PARD3B: variants seen among roughly 807,000 people sequenced by gnomAD.
The protein encoded by PARD3B is par-3 family cell polarity regulator beta, also known as partitioning defective 3 homolog B.
A neutral mutation model predicts 130.2 loss-of-function variants in PARD3B; 103 were observed. The observed-to-expected ratio is 0.79, with a 90% confidence interval of 0.67 to 0.93. The LOEUF is 0.93. PARD3B is among the 40% of genes least tolerant of loss of function. The pLI, the probability that PARD3B is intolerant of heterozygous loss-of-function variation, is 0.00. For missense variants in PARD3B, 1,609 were observed against 1,499.2 expected, an observed-to-expected ratio of 1.07 and a Z score of -1.21; for synonymous variants, 583 against 553.2, an observed-to-expected ratio of 1.05 and a Z score of -0.76.
At chr2:205,505,160 T>C (rs1255135919) in intron 21 of PARD3B, among the ~76,000 whole-genome samples, 2 of 151,432 alleles carry the variant, frequency 1.3e-5, no homozygotes, top group Admixed American at 1.3e-4. Context: ...AAACACCGCA[T>C]GTTCTCACCC....
intron 1 of PARD3B, among the ~76,000 whole-genome samples, chr2:204,562,089 C>A (rs928802938): frequency 2.0e-5 from 3 of 152,052 alleles, no homozygotes; most frequent in African/African-American, 7.2e-5. Context: ...CCGTGCCCCA[C>A]CCCCAGCCTG....
chr2:205,332,332 A>G (rs1477358742), intron 18 of PARD3B, among the ~76,000 whole-genome samples: 2 of 152,138 alleles, frequency 1.3e-5, no homozygotes, highest in African/African-American at 4.8e-5. Context: ...CCTGAAATGG[A>G]CTTGAAGTTT....
chr2:204,628,573 A>G (rs2034566364), intron 1 of PARD3B, among the ~76,000 whole-genome samples: 2 of 152,174 alleles, frequency 1.3e-5, no homozygotes, highest in Non-Finnish European at 2.9e-5. Flanking sequence ...CACATAAGCA[A>G]TTATATTCAA....
chr2:204,846,420 G>A (rs2125596482), intron 2 of PARD3B, among the ~76,000 whole-genome samples: 1 of 152,032 alleles, frequency 6.6e-6, no homozygotes, highest in Middle Eastern at 3.4e-3. Context: ...GAAATACATA[G>A]GCGTGTACAC....
Position 205,558,625 on chromosome 2 carries a change from C to G in PARD3B, c.3260+5222C>G, listed in dbSNP as rs1036356665. On this transcript the variant is annotated intron_variant, in intron 22 of 22. Transcript: ENST00000406610. This position sits in a 1 kb window ranked among gnomAD's most constrained non-coding sequence, Gnocchi z 4.8. ...CAGGCTTCTGCCCACACCACTGATA[C>G]TTCCACCAGACTCTGCTTCCCGCCT... Among the ~76,000 whole-genome samples, 4 of 152,198 alleles carry G rather than the reference C, an allele frequency of 2.6e-5. No homozygotes were observed. The highest frequency in any genetic ancestry group is 5.9e-5 in the Non-Finnish European group (4 of 68,038).
intron 10 of PARD3B, among the ~76,000 whole-genome samples, chr2:205,132,065 A>G (rs982681415): frequency 2.0e-5 from 3 of 152,206 alleles, no homozygotes. Context: ...GTTAGGATTA[A>G]ATGAGATGCA....
intron 21 of PARD3B, among the ~76,000 whole-genome samples, chr2:205,522,084 T>TTATC (rs1237076602): frequency 6.8e-6 from 1 of 146,142 alleles, no homozygotes; most frequent in Non-Finnish European, 1.5e-5. Flanking sequence ...TTAGTGTATT[T>TTATC]TATCTTTACC....
intron 1 of PARD3B, among the ~76,000 whole-genome samples, chr2:204,599,492 A>G (rs1050938090): frequency 2.0e-5 from 3 of 151,734 alleles, no homozygotes; most frequent in African/African-American, 4.8e-5. Context: ...CTCCAATTCA[A>G]TCTCTTTTGC....
intron 4 of PARD3B, among the ~76,000 whole-genome samples, chr2:205,057,246 ATG>A (rs1431450477): frequency 6.6e-6 from 1 of 150,440 alleles, no homozygotes; most frequent in East Asian, 1.9e-4. Flanking sequence ...ATACATATAC[ATG>A]TGTTATACGT....
At chr2:205,063,012 A>G (rs1700148177) in intron 4 of PARD3B, among the ~76,000 whole-genome samples, 1 of 151,946 alleles carries the variant, frequency 6.6e-6, no homozygotes, top group African/African-American at 2.4e-5. Context: ...AAATTATTGT[A>G]TTATTAATTA....
Position 204,887,080 on chromosome 2 carries a change from A to C in PARD3B, c.223-78072A>C, listed in dbSNP as rs557122023. Among the ~76,000 whole-genome samples the C allele has an allele frequency of 2.6e-5, 4 of 152,212 alleles. No homozygotes were observed. In the South Asian group the frequency reaches 8.3e-4, roughly 32 times the overall value. On this transcript the variant is annotated intron_variant, in intron 2 of 22. Transcript: ENST00000406610. The surrounding 1 kb of genome is among the most constrained non-coding windows in gnomAD (Gnocchi z 4.2). ...TTTTTTTTAATCAGCTTTTAGTTCCATCTGTTCAAGAATAGGTAAACTGAA... is the reference window on the plus strand; with the variant it reads ...TTTTTTTTAATCAGCTTTTAGTTCCCTCTGTTCAAGAATAGGTAAACTGAA...
chr2:205,609,670 T>C (rs1364104014), intron 22 of PARD3B, among the ~76,000 whole-genome samples: 1 of 152,230 alleles, frequency 6.6e-6, no homozygotes, highest in Non-Finnish European at 1.5e-5. Flanking sequence ...CCAATGCATA[T>C]GCCTAAGCCG....
intron 2 of PARD3B, among the ~76,000 whole-genome samples, chr2:204,854,138 G>C (rs1393024210): frequency 1.3e-5 from 2 of 152,274 alleles, no homozygotes; most frequent in East Asian, 3.9e-4. Context: ...AAGCAGATGA[G>C]GGAACAAGTG....
chr2:205,482,305 AG>A (rs1465329365), intron 20 of PARD3B, among the ~76,000 whole-genome samples: 1 of 152,178 alleles, frequency 6.6e-6, no homozygotes, highest in African/African-American at 2.4e-5. Context: ...ACTTGCCACA[AG>A]GGTTGCTCTG....
chr2:204,616,279 A>C (rs139606644), intron 1 of PARD3B, among the ~76,000 whole-genome samples: 1 of 152,316 alleles, frequency 6.6e-6, no homozygotes, highest in East Asian at 1.9e-4. Context: ...TCCAATAAGA[A>C]AATGAAAAAC....
intron 2 of PARD3B, among the ~76,000 whole-genome samples, chr2:204,908,778 A>C (rs971510737): frequency 2.0e-5 from 3 of 152,234 alleles, no homozygotes; most frequent in African/African-American, 7.2e-5. Context: ...CTAAAGACCC[A>C]AAAAGATTAA....
Position 205,568,041 on chromosome 2 carries a change from A to G in PARD3B, c.3260+14638A>G, listed in dbSNP as rs1005152532. Among the ~76,000 whole-genome samples, 1 of 152,184 alleles carries G rather than the reference A, an allele frequency of 6.6e-6. No individual in the cohort carries two copies. Among genetic ancestry groups the G allele is most frequent in the Non-Finnish European group, 1.5e-5 (1 of 68,024 alleles). On this transcript the variant is annotated intron_variant, in intron 22 of 22. Coordinates refer to ENST00000406610, the MANE Select transcript of PARD3B (RefSeq NM_001302769.2). This position sits in a 1 kb window ranked among gnomAD's most constrained non-coding sequence, Gnocchi z 5.3. The stretch of plus-strand genomic sequence containing the variant: ...GTTCCTAAGATATCAACTCCCCAGC[A>G]CTTCTTCCTGTCCAGTGCACTGGTA...
Position 205,230,115 on chromosome 2 carries a change from A to G in PARD3B, c.2141-15663A>G, listed in dbSNP as rs2038759108. Among the ~76,000 whole-genome samples the G allele has an allele frequency of 6.6e-6, 1 of 152,020 alleles. No individual in the cohort carries two copies. On this transcript the variant is annotated intron_variant, in intron 15 of 22. Coordinates refer to ENST00000406610, the MANE Select transcript of PARD3B (RefSeq NM_001302769.2). This position sits in a 1 kb window ranked among gnomAD's most constrained non-coding sequence, Gnocchi z 4.1. ...CCAAAGTGTGGAATTGGTGATCCCAAGAACCCGCTTTGTGCTCTATACCAC... is the reference window on the plus strand; with the variant it reads ...CCAAAGTGTGGAATTGGTGATCCCAGGAACCCGCTTTGTGCTCTATACCAC...
intron 11 of PARD3B, among the ~76,000 whole-genome samples, chr2:205,159,646 C>T (rs1401646923): frequency 2.6e-5 from 4 of 152,156 alleles, no homozygotes; most frequent in Non-Finnish European, 4.4e-5. Flanking sequence ...GATTAAATCA[C>T]ACAATGTGAT....
Sources: gnomAD v4.1 joint callset for allele counts (sites outside exome capture counted in the v4.1 genomes callset) on GRCh38, gnomAD v4.1.1 for gene constraint, Gnocchi (gnomAD v3.1) non-coding constraint, MANE v1.5 for transcripts, NCBI Gene and HGNC (gene_info 2026-07-23, HGNC 2026-07-21) for gene names.